Variants in GRID1 observed in about 807,000 individuals in gnomAD.
GRID1 encodes the protein glutamate receptor ionotropic, delta-1.
A neutral mutation model predicts 98.0 loss-of-function variants in GRID1; 28 were observed. The ratio of observed to expected loss-of-function variants is 0.29; its 90% CI spans 0.21 to 0.39. The LOEUF (loss-of-function observed/expected upper bound fraction) is 0.39, where lower values mean the gene tolerates loss of function less well. Among genes scored for constraint, GRID1 ranks in the 10% least tolerant of loss-of-function variants. The pLI is 1.00. For synonymous variants in GRID1, 553 were observed against 538.5 expected (o/e 1.03, Z -0.37); for missense variants, 1,111 against 1,340.5 (o/e 0.83, Z 2.67).
chr10:86,096,822 T>G (rs1589369862), intron 4 of GRID1, among the ~76,000 whole-genome samples: 1 of 152,250 alleles, frequency 6.6e-6, no homozygotes, highest in South Asian at 2.1e-4. Flanking sequence ...AGGCTGTATA[T>G]GCTCTAAATC....
intron 2 of GRID1, among the ~76,000 whole-genome samples, chr10:86,220,307 T>C (rs553091554): frequency 4.6e-5 from 7 of 152,270 alleles, no homozygotes; most frequent in Middle Eastern, 3.4e-3. Context: ...GGTAAGAGGA[T>C]AGGTTCTGGC....
At position 86,206,568 on chromosome 10, in the gene GRID1, T is replaced by C. The variant is rs1446538976; in HGVS notation, c.316A>G (p.Thr106Ala). ...AGGTGTGGGATGTGCATGGCATCCG[T>C]GAGGGACTGCAGGGCATTGGCAGAT... ...CASANALQSLTDAMHIPHLFV... is the reference protein window; with the variant it reads ...CASANALQSLADAMHIPHLFV... The change falls in exon 3 of 16, where the codon ACG becomes GCG. Residue 106 changes from threonine to alanine, a missense_variant. Thr to Ala is a moderately conservative substitution (Grantham distance 58, BLOSUM62 0). Transcript: ENST00000327946. The surrounding 1 kb of genome is among the most constrained non-coding windows in gnomAD (Gnocchi z 4.1). 1 of 1,613,942 alleles carries C rather than the reference T, an allele frequency of 6.2e-7. No individual in the cohort carries two copies. Among genetic ancestry groups the C allele is most frequent in the African/African-American group, 1.3e-5 (1 of 74,888 alleles).
At chr10:85,663,150 A>G (rs906356310) in intron 12 of GRID1, among the ~76,000 whole-genome samples, 23 of 152,176 alleles carry the variant, frequency 1.5e-4, no homozygotes, top group African/African-American at 5.3e-4. Context: ...AATATGTGGC[A>G]TCCTAACCCC....
intron 4 of GRID1, among the ~76,000 whole-genome samples, chr10:86,070,247 G>T (rs536898550): frequency 1.3e-5 from 2 of 152,276 alleles, no homozygotes; most frequent in South Asian, 2.1e-4. Flanking sequence ...CAGCCATCCA[G>T]CCTTGGAAGA....
chr10:86,049,087 G>A (rs1387937841), intron 4 of GRID1, among the ~76,000 whole-genome samples: 1 of 152,338 alleles, frequency 6.6e-6, no homozygotes, highest in East Asian at 1.9e-4. Context: ...AGGAGGCTCA[G>A]GGAAGTTAAG....
chr10:85,780,825 A>G (rs146316040), intron 8 of GRID1, among the ~76,000 whole-genome samples: 3 of 152,364 alleles, frequency 2.0e-5, no homozygotes, highest in African/African-American at 7.2e-5. Flanking sequence ...CTGAGGATTA[A>G]ATTAGGCATT....
At chr10:86,322,098 G>A (rs1847978587) in intron 2 of GRID1, among the ~76,000 whole-genome samples, 1 of 151,920 alleles carries the variant, frequency 6.6e-6, no homozygotes, top group Non-Finnish European at 1.5e-5. Context: ...ACTAGATCTG[G>A]GAACCAAACA....
At chr10:85,895,466 C>T (rs1841279017) in intron 5 of GRID1, among the ~76,000 whole-genome samples, 1 of 152,154 alleles carries the variant, frequency 6.6e-6, no homozygotes, top group Non-Finnish European at 1.5e-5. Flanking sequence ...TATCCTCCCA[C>T]CCATGCTCAT....
At chr10:86,265,714 G>A (rs1193577571) in intron 2 of GRID1, among the ~76,000 whole-genome samples, 1 of 152,208 alleles carries the variant, frequency 6.6e-6, no homozygotes, top group Non-Finnish European at 1.5e-5. Flanking sequence ...TTCCTTCAGT[G>A]CCACTAACAC....
At chr10:86,036,125 C>A (rs560328266) in intron 4 of GRID1, among the ~76,000 whole-genome samples, 1 of 152,288 alleles carries the variant, frequency 6.6e-6, no homozygotes, top group South Asian at 2.1e-4. Flanking sequence ...TCATGCAATG[C>A]AGTTGGGGGA....
chr10:86,130,616 T>C (rs1008039030), intron 4 of GRID1, among the ~76,000 whole-genome samples: 4 of 152,130 alleles, frequency 2.6e-5, no homozygotes, highest in African/African-American at 7.2e-5. Flanking sequence ...CAGGGGAATA[T>C]AGTCTTCCCA....
intron 4 of GRID1, among the ~76,000 whole-genome samples, chr10:85,933,218 A>C (rs1841880802): frequency 1.3e-5 from 2 of 151,122 alleles, no homozygotes. Context: ...GCCCTTGCCA[A>C]TGATGCAGAC....
At chr10:86,326,767 G>T (rs1848056595) in intron 2 of GRID1, among the ~76,000 whole-genome samples, 1 of 152,218 alleles carries the variant, frequency 6.6e-6, no homozygotes, top group South Asian at 2.1e-4. Flanking sequence ...TTGGAGACAA[G>T]AGTGGAGCAG....
chr10:85,802,767 C>A (rs886612874), intron 8 of GRID1, among the ~76,000 whole-genome samples: 1 of 146,756 alleles, frequency 6.8e-6, no homozygotes, highest in Non-Finnish European at 1.5e-5. Context: ...GAACTGTGAC[C>A]GTTGAGAGAA....
At chr10:85,761,822 A>C (rs1324857673) in intron 8 of GRID1, among the ~76,000 whole-genome samples, 2 of 151,902 alleles carry the variant, frequency 1.3e-5, no homozygotes, top group Non-Finnish European at 2.9e-5. Flanking sequence ...CACCCCCCAA[A>C]ACACACACAC....
At chr10:86,083,789 C>T (rs1002132060) in intron 4 of GRID1, among the ~76,000 whole-genome samples, 5 of 152,334 alleles carry the variant, frequency 3.3e-5, no homozygotes, top group African/African-American at 1.2e-4. Context: ...AGCATGCACC[C>T]TGCAGGCAGC....
chr10:86,199,613 G>A (rs1845920343), intron 3 of GRID1, among the ~76,000 whole-genome samples: 1 of 152,146 alleles, frequency 6.6e-6, no homozygotes, highest in East Asian at 1.9e-4. Context: ...TTGGGATGAT[G>A]TGAGCAAGGG....
chr10:85,855,745 G>T (rs1482575270), intron 7 of GRID1, among the ~76,000 whole-genome samples: 3 of 152,222 alleles, frequency 2.0e-5, no homozygotes, highest in Non-Finnish European at 2.9e-5. Flanking sequence ...ATAGGCAGCT[G>T]CCTCCATTTC....
chr10:85,706,192 T>C (rs891859305), intron 12 of GRID1, among the ~76,000 whole-genome samples: 1 of 152,228 alleles, frequency 6.6e-6, no homozygotes, highest in Non-Finnish European at 1.5e-5. Context: ...GCAGATGACA[T>C]GATTGTGTAT....
Sources: gnomAD v4.1 joint callset for allele counts (sites outside exome capture counted in the v4.1 genomes callset) on GRCh38, gnomAD v4.1.1 for gene constraint, Gnocchi (gnomAD v3.1) non-coding constraint, MANE v1.5 for transcripts, NCBI Gene and HGNC (gene_info 2026-07-23, HGNC 2026-07-21) for gene names.